The following RFX8 variants were observed in gnomAD, a reference collection of about 807,000 sequenced individuals.
RFX8 encodes regulatory factor X8, also known as DNA-binding protein RFX8.
A neutral mutation model predicts 54.6 loss-of-function variants in RFX8; 46 were observed. The ratio of observed to expected loss-of-function variants is 0.84; its 90% CI spans 0.67 to 1.08. The LOEUF is 1.08. Ranked by LOEUF, RFX8 falls within the 50% of genes least tolerant of loss-of-function variation. RFX8 has a pLI of 0.00. For synonymous variants in RFX8, 192 were observed against 209.5 expected (o/e 0.92, Z 0.72); for missense variants, 536 against 562.3 (o/e 0.95, Z 0.47).
chr2:101,412,944 T>A lies in RFX8; in HGVS notation c.689A>T (p.Asp230Val). The A allele has an allele frequency of 1.3e-6, 2 of 1,551,376 alleles. No individual in the cohort carries two copies. The highest frequency in any genetic ancestry group is 1.7e-6 in the Non-Finnish European group (2 of 1,146,928). Residue 230 changes from aspartate (D) to valine (V), a missense_variant, in exon 8 of 12, where the codon GAT becomes GTT. Physicochemically the swap from Asp to Val is radical, Grantham distance 152. Transcript: ENST00000428343. ...KALASDRSGA[D>V]ELENNPEMKC... ...CATCTCTGGGTTGTTCTCCAGTTCA[T>A]CTGCGCCACTCCGGTCACTTGCCAG... is the stretch of plus-strand genomic sequence containing the variant.
In RFX8 at chr2:101,402,426, G is replaced by C. The variant is rs1685485524; in HGVS notation, c.1245+10C>G. 1 of 1,535,520 alleles carries C rather than the reference G, an allele frequency of 6.5e-7. No individual in the cohort carries two copies. The highest frequency in any genetic ancestry group is 2.0e-5 in the Admixed American group (1 of 50,272). ...AACAGCTGTGTGGAAGGGGGTCCTG[G>C]TGTCCCTACCTTATTGCCCATGGCA... On this transcript the variant is annotated intron_variant, in intron 11 of 11. Transcript: ENST00000428343.
intron 1 of RFX8, among the ~76,000 whole-genome samples, chr2:101,468,736 G>GT (rs566966494): frequency 2.6e-5 from 4 of 151,330 alleles, no homozygotes; most frequent in South Asian, 2.1e-4. Context: ...GTGGACATGA[G>GT]TTTTTTTTGG....
intron 7 of RFX8, among the ~76,000 whole-genome samples, chr2:101,413,843 C>A (rs1686314953): frequency 6.6e-6 from 1 of 152,098 alleles, no homozygotes; most frequent in Admixed American, 6.5e-5. Flanking sequence ...GACAGTGGGA[C>A]ACAACCCCGC....
In RFX8 at chr2:101,423,201, T is replaced by G. The variant is rs1179679515; in HGVS notation, c.73-729A>C. On this transcript the variant is annotated intron_variant, in intron 2 of 11. Coordinates refer to ENST00000428343, the MANE Select transcript of RFX8 (RefSeq NM_001145664.2). ...TGAGCCCGGGAAATGGAGGTTGCAGTGAGCCAAGATCACGCCACTGCACTC... is the reference window on the plus strand; with the variant it reads ...TGAGCCCGGGAAATGGAGGTTGCAGGGAGCCAAGATCACGCCACTGCACTC... Among the ~76,000 whole-genome samples, 3 of 144,110 alleles carry G rather than the reference T, an allele frequency of 2.1e-5. No homozygotes were observed. The Admixed American group carries it at 2.3e-4, about 11-fold the overall frequency. 94.5% of individuals were successfully genotyped at this position (144,110 alleles called of 152,430 possible).
At chr2:101,462,864 G>A in intron 2 of RFX8, among the ~76,000 whole-genome samples, 1 of 152,028 alleles carries the variant, frequency 6.6e-6, no homozygotes, top group East Asian at 1.9e-4. Context: ...TATCAGTTAG[G>A]GTCCCAATAG....
At chr2:101,406,428 C>T (rs1259060219) in intron 9 of RFX8, among the ~76,000 whole-genome samples, 2 of 140,024 alleles carry the variant, frequency 1.4e-5, no homozygotes, top group African/African-American at 2.7e-5. Context: ...AACTCCTGGG[C>T]TTAAGCGATC....
chr2:101,435,641 T>G (rs779243040), intron 2 of RFX8, among the ~76,000 whole-genome samples: 1 of 152,190 alleles, frequency 6.6e-6, no homozygotes, highest in Non-Finnish European at 1.5e-5. Flanking sequence ...GCTTGGATTC[T>G]TCCCTGAATT....
rs149030704 is a variant in RFX8 at position 101,432,947 on chromosome 2, C to T, written c.73-10475G>A. On this transcript the variant is annotated intron_variant, in intron 2 of 11. Transcript: ENST00000428343. ...TCATTTGCATTCCTTGGGAGCTGCCCCCTTTAGTGACTGCTCCTCAGGGCC... is the reference window on the plus strand; with the variant it reads ...TCATTTGCATTCCTTGGGAGCTGCCTCCTTTAGTGACTGCTCCTCAGGGCC... Among the ~76,000 whole-genome samples the T allele has an allele frequency of 1.8e-3, 273 of 152,258 alleles. 1 individual carries two copies. Among genetic ancestry groups the T allele is most frequent in the African/African-American group, 6.3e-3 (262 of 41,534 alleles).
chr2:101,432,829 T>G (rs1687565117), intron 2 of RFX8, among the ~76,000 whole-genome samples: 1 of 152,156 alleles, frequency 6.6e-6, no homozygotes, highest in African/African-American at 2.4e-5. Flanking sequence ...CTGTGATGCT[T>G]TAGCAATGCC....
intron 2 of RFX8, 43 bp downstream of exon 2, chr2:101,466,734 T>C (rs1386195561): frequency 2.3e-5 from 31 of 1,364,808 alleles, no homozygotes. Flanking sequence ...CTTCCCTTTT[T>C]TGCACTCAGT....
chr2:101,425,855 A>G (rs893615820), intron 2 of RFX8, among the ~76,000 whole-genome samples: 3 of 152,244 alleles, frequency 2.0e-5, no homozygotes, highest in Admixed American at 6.5e-5. Context: ...GAAGGCATTC[A>G]GGAAGCATGC....
chr2:101,422,273 A>G (rs1232061408), intron 3 of RFX8, 89 bp downstream of exon 3: 9 of 722,118 alleles, frequency 1.2e-5, no homozygotes, highest in African/African-American at 3.5e-5. Flanking sequence ...ATGTGACACA[A>G]TCATGACCAC....
At chr2:101,469,346 T>C (rs1689848651) in intron 1 of RFX8, among the ~76,000 whole-genome samples, 1 of 151,644 alleles carries the variant, frequency 6.6e-6, no homozygotes, top group African/African-American at 2.4e-5. Flanking sequence ...GTAGAGACGG[T>C]CTCACTATGT....
chr2:101,421,097 G>T, intron 4 of RFX8: 1 of 221,598 alleles, frequency 4.5e-6, no homozygotes, highest in Non-Finnish European at 7.6e-6. Flanking sequence ...GCTTTACGCC[G>T]AGTAGGTAGT....
intron 2 of RFX8, among the ~76,000 whole-genome samples, chr2:101,464,649 T>G (rs765732625): frequency 3.3e-5 from 5 of 152,176 alleles, no homozygotes; most frequent in Non-Finnish European, 7.3e-5. Context: ...CAGGCAAATT[T>G]CCAATGAGAG....
At chr2:101,427,568 T>G (rs1249190647) in intron 2 of RFX8, among the ~76,000 whole-genome samples, 1 of 152,202 alleles carries the variant, frequency 6.6e-6, no homozygotes, top group Admixed American at 6.5e-5. Context: ...GTTGAAATTA[T>G]GACTTCCAGG....
intron 7 of RFX8, among the ~76,000 whole-genome samples, 162 bp downstream of exon 7, chr2:101,414,692 G>A (rs2087616955): frequency 6.6e-6 from 1 of 151,958 alleles, no homozygotes; most frequent in Admixed American, 6.6e-5. Context: ...AGTCACGGGG[G>A]CCCACCTGGA....
At chr2:101,419,584 C>G (rs1009835828) in intron 4 of RFX8, among the ~76,000 whole-genome samples, 4 of 152,202 alleles carry the variant, frequency 2.6e-5, no homozygotes, top group South Asian at 2.1e-4. Context: ...TCTGCTTCGC[C>G]GCCAATAAAG....
chr2:101,451,019 C>G (rs1458387701), intron 2 of RFX8, among the ~76,000 whole-genome samples: 3 of 152,130 alleles, frequency 2.0e-5, no homozygotes, highest in Admixed American at 6.5e-5. Flanking sequence ...CCCCAGCACC[C>G]ATTAACCTTT....
Sources: allele counts gnomAD v4.1 joint callset (sites outside exome capture counted in the v4.1 genomes callset), GRCh38; gene constraint gnomAD v4.1.1; transcripts MANE v1.5; gene names NCBI Gene and HGNC (gene_info 2026-07-23, HGNC 2026-07-21).